Variants in AKAP10 observed in about 807,000 individuals in gnomAD.
AKAP10 encodes A-kinase anchoring protein 10.
Under a neutral mutation model 80.8 loss-of-function variants are expected in AKAP10, and 24 were observed. The observed-to-expected ratio is 0.30, with a 90% CI of 0.22 to 0.42. The LOEUF (loss-of-function observed/expected upper bound fraction) is 0.42. AKAP10 is among the 10% of genes least tolerant of loss of function. The pLI is 1.00. For missense variants in AKAP10, 661 were observed against 794.9 expected (o/e 0.83, Z 2.03); for synonymous variants, 291 against 277.7 (o/e 1.05, Z -0.48).
At chr17:19,955,898 T>C (rs2043270023) in intron 4 of AKAP10, among the ~76,000 whole-genome samples, 1 of 152,150 alleles carries the variant, frequency 6.6e-6, no homozygotes, top group Non-Finnish European at 1.5e-5. Context: ...TTAGAAACTC[T>C]TCCCAATACT....
At chr17:19,914,080 G>A (rs998205002) in intron 12 of AKAP10, among the ~76,000 whole-genome samples, 4 of 152,050 alleles carry the variant, frequency 2.6e-5, no homozygotes, top group African/African-American at 7.2e-5. Flanking sequence ...GCTCACCGTC[G>A]CCTCAACCTC....
rs138270020 is a variant in AKAP10 at position 19,926,796 on chromosome 17, G to A, written c.1642-2279C>T. Among the ~76,000 whole-genome samples the A allele has an allele frequency of 2.7e-3, 405 of 152,324 alleles. 1 individual carries two copies. Among genetic ancestry groups the A allele is most frequent in the African/African-American group, 9.2e-3 (381 of 41,574 alleles). The stretch of plus-strand genomic sequence containing the variant: ...CATAAATACATGAAGATACATCCAT[G>A]TTCACAAATTAGAAGACAATACTGT... On this transcript the variant is annotated intron_variant, in intron 10 of 14. Coordinates refer to ENST00000225737, the MANE Select transcript of AKAP10 (RefSeq NM_007202.4).
At position 19,909,212 on chromosome 17, in the gene AKAP10, T is replaced by C. The variant is rs1297809028; in HGVS notation, c.1952A>G (p.Gln651Arg). The C allele has an allele frequency of 6.2e-7, 1 of 1,613,768 alleles. No individual in the cohort carries two copies. Among genetic ancestry groups the C allele is most frequent in the Admixed American group, 1.7e-5 (1 of 59,962 alleles). The change falls in exon 14 of 15, where the codon CAG becomes CGG. Residue 651 changes from glutamine to arginine, a missense_variant. Transcript: ENST00000225737. ...AGATTTCTCTAACGGTTGATCATAC[T>C]GAGCCTGCTGCATAATGTCACTGAC... ...MIVSDIMQQA[Q>R]YDQPLEKSTK...
chr17:19,934,032 C>G (rs1411574188), intron 9 of AKAP10, among the ~76,000 whole-genome samples: 2 of 152,068 alleles, frequency 1.3e-5, no homozygotes, highest in Non-Finnish European at 2.9e-5. Flanking sequence ...AGAGATTTTC[C>G]TGCCTCAGCC....
In AKAP10 at chr17:19,933,503, T is replaced by C. The variant is rs145669695; in HGVS notation, c.1468-1525A>G. On this transcript the variant is annotated intron_variant, in intron 9 of 14. Coordinates refer to ENST00000225737, the MANE Select transcript of AKAP10 (RefSeq NM_007202.4). ...GTTCTTAAAATTAGTCTAAGTTCCT[T>C]ACATACACACATCTAGTAAGAACTA... is the stretch of plus-strand genomic sequence containing the variant. Among the ~76,000 whole-genome samples the C allele has an allele frequency of 4.6e-5, 7 of 152,346 alleles. No homozygotes were observed. The East Asian group carries it at 1.2e-3, about 25-fold the overall frequency.
Position 19,972,476 on chromosome 17 carries a change from G to A in AKAP10, c.89-4015C>T, listed in dbSNP as rs1481007520. Reference sequence around the variant, plus strand: ...GCTTTGTTTTGTTTTGTTTTTTTGAGACGGAATCTCACTCTGTCGCCCAGG... The same window carrying A: ...GCTTTGTTTTGTTTTGTTTTTTTGAAACGGAATCTCACTCTGTCGCCCAGG... On this transcript the variant is annotated intron_variant, in intron 1 of 14. Coordinates refer to ENST00000225737, the MANE Select transcript of AKAP10 (RefSeq NM_007202.4). Among the ~76,000 whole-genome samples, 3 of 152,042 alleles carry A rather than the reference G, an allele frequency of 2.0e-5. No homozygotes were observed. In the East Asian group the frequency reaches 5.8e-4, roughly 29 times the overall value.
chr17:19,972,397 CT>C (rs2043509211), intron 1 of AKAP10, among the ~76,000 whole-genome samples: 1 of 152,176 alleles, frequency 6.6e-6, no homozygotes, highest in Non-Finnish European at 1.5e-5. Context: ...TGTAAATCTT[CT>C]CTTCTAGAAG....
Position 19,924,440 on chromosome 17 carries a change from A to T in AKAP10, c.1719T>A (p.Asp573Glu). The change falls in exon 11 of 15, where the codon GAT (aspartate) becomes GAA (glutamate). Residue 573 changes from aspartate (D) to glutamate (E), a missense_variant. Asp to Glu is a conservative substitution (Grantham distance 45). Coordinates refer to ENST00000225737, the MANE Select transcript of AKAP10 (RefSeq NM_007202.4). Reference protein sequence around the residue: ...EAIIVDAASLDPESLYQRTYA... With the variant: ...EAIIVDAASLEPESLYQRTYA... ...ATGTCCGTTGATATAAAGATTCTGG[A>T]TCCAGACTTGCCGCATCCACAATTA... The T allele has an allele frequency of 6.2e-7, 1 of 1,606,772 alleles. No homozygotes were observed. Among genetic ancestry groups the T allele is most frequent in the Non-Finnish European group, 8.5e-7 (1 of 1,175,892 alleles).
At chr17:19,975,415 C>T (rs2043552124) in intron 1 of AKAP10, among the ~76,000 whole-genome samples, 2 of 152,296 alleles carry the variant, frequency 1.3e-5, no homozygotes, top group African/African-American at 2.4e-5. Flanking sequence ...AGCCTTCTTT[C>T]CTCTCTTGAA....
intron 12 of AKAP10, among the ~76,000 whole-genome samples, chr17:19,913,153 GTT>G (rs71357404): frequency 3.8e-4 from 41 of 108,910 alleles, no homozygotes; most frequent in African/African-American, 8.9e-4. Flanking sequence ...CTGGCTAATT[GTT>G]TTTTTTTTTT....
chr17:19,951,914 T>TAAAAAAAAAAAAAAAAAA (rs759583171), intron 4 of AKAP10, among the ~76,000 whole-genome samples: 1 of 86,040 alleles, frequency 1.2e-5, no homozygotes, highest in Non-Finnish European at 2.4e-5. Flanking sequence ...AAATAAGAAT[T>TAAAAAAAAAAAAAAAAAA]AAAAAAAAAA....
rs990808243 is a variant in AKAP10 at position 19,954,817 on chromosome 17, CAT to C, written c.877+3195_877+3196del. ...CAACCACAATACTTTTAAAAGGAAACATATGAGAAAATCTTCATGACCTTTGC... is the reference window on the plus strand; with the variant it reads ...CAACCACAATACTTTTAAAAGGAAACATGAGAAAATCTTCATGACCTTTGC... On this transcript the variant is annotated intron_variant, in intron 4 of 14. Coordinates refer to ENST00000225737, the MANE Select transcript of AKAP10 (RefSeq NM_007202.4). Among the ~76,000 whole-genome samples, 17 of 151,994 alleles carry C rather than the reference CAT, an allele frequency of 1.1e-4. No homozygotes were observed. In the East Asian group the frequency reaches 3.3e-3, roughly 29 times the overall value.
At chr17:19,911,247 G>A (rs1311231352) in intron 12 of AKAP10, among the ~76,000 whole-genome samples, 3 of 152,012 alleles carry the variant, frequency 2.0e-5, no homozygotes, top group Non-Finnish European at 2.9e-5. Context: ...AGGCCCCCCT[G>A]CAGAGTCACT....
At chr17:19,930,464 T>C (rs2042920138) in intron 10 of AKAP10, among the ~76,000 whole-genome samples, 1 of 152,144 alleles carries the variant, frequency 6.6e-6, no homozygotes, top group East Asian at 1.9e-4. Flanking sequence ...GGCACGGTAA[T>C]GCAAAACGAA....
chr17:19,956,897 G>A (rs543117780), intron 4 of AKAP10, among the ~76,000 whole-genome samples: 12 of 151,998 alleles, frequency 7.9e-5, no homozygotes, highest in East Asian at 1.9e-4. Context: ...CCAGCTCCTC[G>A]GGAGCCTGGT....
chr17:19,920,320 C>T (rs989623519), intron 11 of AKAP10, among the ~76,000 whole-genome samples: 2 of 152,094 alleles, frequency 1.3e-5, no homozygotes, highest in Non-Finnish European at 2.9e-5. Context: ...GAGTGCAATT[C>T]CATTCAAAAT....
intron 12 of AKAP10, among the ~76,000 whole-genome samples, chr17:19,915,774 T>TAC (rs2042736558): frequency 6.6e-6 from 1 of 152,206 alleles, no homozygotes; most frequent in South Asian, 2.1e-4. Context: ...CATCATCCCT[T>TAC]ACTTAGACTA....
chr17:19,941,158 T>C, intron 6 of AKAP10, 148 bp from the exon 7 acceptor site: 1 of 812,384 alleles, frequency 1.2e-6, no homozygotes, highest in Non-Finnish European at 1.8e-6. Context: ...TCCTGATTCC[T>C]TTACCTGTAT....
chr17:19,914,715 G>A (rs906759312), intron 12 of AKAP10, among the ~76,000 whole-genome samples: 2 of 151,846 alleles, frequency 1.3e-5, no homozygotes, highest in Non-Finnish European at 2.9e-5. Context: ...TTAGATCATC[G>A]GAGTTGGGAA....
Sources: allele counts gnomAD v4.1 joint callset (sites outside exome capture counted in the v4.1 genomes callset), GRCh38; gene constraint gnomAD v4.1.1; transcripts MANE v1.5; gene names NCBI Gene and HGNC (gene_info 2026-07-23, HGNC 2026-07-21).